NBAS: variants seen among roughly 807,000 people sequenced by gnomAD.
The protein encoded by NBAS is NBAS subunit of NRZ tethering complex, also known as NAG/BC035112 fusion.
A neutral mutation model predicts 302.5 loss-of-function variants in NBAS; 219 were observed. That is an observed-to-expected ratio of 0.72 (90% CI 0.65 to 0.81). The LOEUF is 0.81. Among genes scored for constraint, NBAS ranks in the 30% least tolerant of loss-of-function variants. The probability of loss-of-function intolerance (pLI) is 0.00; values close to 1 mark genes in which losing one functional copy is unlikely to be tolerated. For missense variants in NBAS, 2,932 were observed against 2,841.6 expected (o/e 1.03, Z -0.72); for synonymous variants, 1,118 against 1,021.6 (o/e 1.09, Z -1.80).
intron 44 of NBAS, among the ~76,000 whole-genome samples, chr2:15,254,719 CA>C (rs1200197391): frequency 1.3e-5 from 2 of 152,170 alleles, no homozygotes; most frequent in African/African-American, 4.8e-5. Flanking sequence ...ACCAAGTCCC[CA>C]AAGTGTATTA....
At chr2:14,910,382 C>A in the NBAS span, among the ~76,000 whole-genome samples, 1 of 152,188 alleles carries the variant, frequency 6.6e-6, no homozygotes, top group Non-Finnish European at 1.5e-5. Context: ...AAGGAGTTTG[C>A]ACTACCCTAA....
chr2:15,050,544 C>A, the NBAS span, among the ~76,000 whole-genome samples: 2 of 152,288 alleles, frequency 1.3e-5, no homozygotes, highest in African/African-American at 4.8e-5. Context: ...ACTGATGACT[C>A]GGCTCAGATG....
intron 44 of NBAS, among the ~76,000 whole-genome samples, chr2:15,274,253 C>A (rs1669466247): frequency 6.6e-6 from 1 of 152,156 alleles, no homozygotes; most frequent in African/African-American, 2.4e-5. Flanking sequence ...TTGGTTAAAA[C>A]TAGCATTCTT....
In NBAS at chr2:15,366,676, G is replaced by T. The variant is rs766803563; in HGVS notation, c.3721C>A (p.Arg1241=). 10 of 1,613,954 alleles carry T rather than the reference G, an allele frequency of 6.2e-6. No homozygotes were observed. Among genetic ancestry groups the T allele is most frequent in the South Asian group, 1.1e-5 (1 of 91,072 alleles). ...LPLQVRLCPD[R]ISLIKECISQ... ...ATACACTCCTTGATGAGACTGATCC[G>T]ATCAGGGCACAATCGCACTACAAAA... The change falls in exon 32 of 52, where the codon CGG becomes AGG. Residue 1241 remains arginine (R), a synonymous_variant. Coordinates refer to ENST00000281513, the MANE Select transcript of NBAS (RefSeq NM_015909.4).
chr2:15,527,143 A>C (rs1054119613), intron 9 of NBAS, among the ~76,000 whole-genome samples: 1 of 152,050 alleles, frequency 6.6e-6, no homozygotes, highest in African/African-American at 2.4e-5. Context: ...GAAGAAAACA[A>C]AATAGAAAAG....
rs1026046981 is a variant in NBAS, at chr2:15,218,719, C to T, written c.6432+54G>A. On this transcript the variant is annotated intron_variant, in intron 48 of 51. Transcript: ENST00000281513. ...CTGGGATTACAGGCGTGAGCAACCG[C>T]GTCCGGCCTAATTATTGTTAGTAAG... The T allele has an allele frequency of 2.7e-5, 44 of 1,610,922 alleles. No homozygotes were observed. The East Asian group carries it at 3.3e-4, about 12-fold the overall frequency.
Position 15,553,549 on chromosome 2 carries a change from T to C in NBAS, c.288-76A>G, listed in dbSNP as rs150140624. On this transcript the variant is annotated intron_variant, in intron 4 of 51. Coordinates refer to ENST00000281513, the MANE Select transcript of NBAS (RefSeq NM_015909.4). ...GCAGTTTTCAGCACAGATGGAATTA[T>C]TTAATAAGTTAAAAATCATTTTTAA... The C allele has an allele frequency of 2.1e-4, 270 of 1,288,658 alleles. 1 individual carries two copies. In the African/African-American group the frequency reaches 3.7e-3, roughly 18 times the overall value. The allele number at this position is 1,288,658 out of a possible 1,614,324, so 79.8% of individuals were successfully genotyped here.
At chr2:15,391,280 A>C (rs192800411) in intron 28 of NBAS, among the ~76,000 whole-genome samples, 39 of 152,312 alleles carry the variant, frequency 2.6e-4, no homozygotes, top group Middle Eastern at 3.4e-3. Context: ...AAAAACAGAC[A>C]AGAGTGGTTT....
chr2:15,427,640 C>A (rs1677543712), intron 22 of NBAS, 71 bp downstream of exon 22: 2 of 1,275,958 alleles, frequency 1.6e-6, no homozygotes, highest in African/African-American at 1.5e-5. Flanking sequence ...GGTCAGACAC[C>A]ACTTTCACAG....
At chr2:15,512,383 C>A (rs896456672) in intron 9 of NBAS, among the ~76,000 whole-genome samples, 29 of 152,164 alleles carry the variant, frequency 1.9e-4, no homozygotes, top group South Asian at 6.2e-4. Context: ...GAAAGCAACA[C>A]CTGCCTTCTG....
the NBAS span, among the ~76,000 whole-genome samples, chr2:14,931,075 AGAAT>A: frequency 1.4e-4 from 21 of 152,200 alleles, no homozygotes; most frequent in Non-Finnish European, 8.8e-5. Context: ...ATTGATTGAA[AGAAT>A]GAATGAATGA....
chr2:15,084,458 T>A, the NBAS span, among the ~76,000 whole-genome samples: 1 of 152,192 alleles, frequency 6.6e-6, no homozygotes, highest in Admixed American at 6.5e-5. Flanking sequence ...GTCATTCAAG[T>A]GGTTTATTCC....
At chr2:14,955,965 C>T in the NBAS span, among the ~76,000 whole-genome samples, 4 of 152,158 alleles carry the variant, frequency 2.6e-5, no homozygotes, top group Admixed American at 2.6e-4. Flanking sequence ...GAATTTGTCC[C>T]CAGAAAATGG....
chr2:14,911,446 T>C, the NBAS span, among the ~76,000 whole-genome samples: 1 of 152,132 alleles, frequency 6.6e-6, no homozygotes. Context: ...TCCTTACACC[T>C]TGCTGGAAAG....
At chr2:15,042,750 T>A in the NBAS span, among the ~76,000 whole-genome samples, 1 of 152,176 alleles carries the variant, frequency 6.6e-6, no homozygotes, top group Non-Finnish European at 1.5e-5. Context: ...CTAACAGGAC[T>A]CAAATCCATA....
At chr2:15,426,969 T>C (rs76664445) in intron 22 of NBAS, among the ~76,000 whole-genome samples, 1,942 of 152,258 alleles carry the variant, frequency 0.013, 33 homozygotes, top group East Asian at 0.06. Flanking sequence ...GGAATATGCC[T>C]GCATCTGGGA....
At position 15,276,287 on chromosome 2, in the gene NBAS, A is replaced by G. The variant is rs190452447; in HGVS notation, c.5390-469T>C. Among the ~76,000 whole-genome samples, 12 of 152,308 alleles carry G rather than the reference A, an allele frequency of 7.9e-5. No individual in the cohort carries two copies. In the South Asian group the frequency reaches 1.5e-3, roughly 18 times the overall value. On this transcript the variant is annotated intron_variant, in intron 43 of 51. Coordinates refer to ENST00000281513, the MANE Select transcript of NBAS (RefSeq NM_015909.4). ...AGAAAACAACTGATAAACTGATGGG[A>G]ACTCTCACAATTATTATGAATATCA...
chr2:15,139,961 G>A, the NBAS span, among the ~76,000 whole-genome samples: 1 of 152,190 alleles, frequency 6.6e-6, no homozygotes, highest in African/African-American at 2.4e-5. Flanking sequence ...GAGAGGTGAA[G>A]TCTGTTTCCC....
At chr2:15,537,212 C>A (rs12986655) in intron 7 of NBAS, among the ~76,000 whole-genome samples, 2 of 152,160 alleles carry the variant, frequency 1.3e-5, no homozygotes, top group Non-Finnish European at 1.5e-5. Flanking sequence ...AGGAAAAATT[C>A]TTTGCCCTCC....
Sources: gnomAD v4.1 joint callset for allele counts (sites outside exome capture counted in the v4.1 genomes callset) on GRCh38, gnomAD v4.1.1 for gene constraint, MANE v1.5 for transcripts, NCBI Gene and HGNC (gene_info 2026-07-23, HGNC 2026-07-21) for gene names.